Variants in KIFC3 observed in about 807,000 individuals in gnomAD.
The protein encoded by KIFC3 is kinesin-like protein KIFC3.
Under a neutral mutation model 101.8 loss-of-function variants are expected in KIFC3, and 60 were observed. That is an observed-to-expected ratio of 0.59 (90% CI 0.48 to 0.73). The LOEUF is 0.73. KIFC3 is among the 30% of genes least tolerant of loss of function. KIFC3 has a pLI of 0.00. For synonymous variants in KIFC3, 476 were observed against 482.7 expected (o/e 0.99, Z 0.18); for missense variants, 966 against 1,137.1 (o/e 0.85, Z 2.16).
At position 57,823,761 on chromosome 16, in the gene KIFC3, T is replaced by TGTGTGTGTGTG. The variant is rs1568088450; in HGVS notation, c.109-25480_109-25479insCACACACACAC. Among the ~76,000 whole-genome samples, 815 of 136,716 alleles carry TGTGTGTGTGTG rather than the reference T, an allele frequency of 6.0e-3. 4 individuals are homozygous for TGTGTGTGTGTG. Among genetic ancestry groups the TGTGTGTGTGTG allele is most frequent in the Non-Finnish European group, 8.1e-3 (521 of 64,074 alleles). 89.7% of individuals were successfully genotyped at this position (136,716 alleles called of 152,430 possible). A position where few individuals can be genotyped will look rare whatever the true frequency, so the allele number is the denominator to read the frequency against. ...GTGTGCACCACCACACCCGGCTACTTTGTGTGTGTGTGTGTGTGTGTGTGT... is the reference window on the plus strand; with the variant it reads ...GTGTGCACCACCACACCCGGCTACTTGTGTGTGTGTGTGTGTGTGTGTGTGTGTGTGTGTGT... On this transcript the variant is annotated intron_variant, in intron 1 of 2. Coordinates refer to the KIFC3 transcript ENST00000563028.
At chr16:57,857,545 T>C (rs1447797572) in intron 1 of KIFC3, among the ~76,000 whole-genome samples, 1 of 151,912 alleles carries the variant, frequency 6.6e-6, no homozygotes, top group African/African-American at 2.4e-5. Flanking sequence ...ATCCCTCCTC[T>C]AGCCTCCCAC....
rs374662646 is a variant in KIFC3, at chr16:57,766,923, G to A, written c.1281C>T (p.Arg427=). 5.1e-5 allele frequency: 82 copies of A among 1,612,632 alleles called. No individual in the cohort carries two copies. Among genetic ancestry groups the A allele is most frequent in the Admixed American group, 2.3e-4 (14 of 60,020 alleles). Residue 427 remains arginine (R), a synonymous_variant, in exon 10 of 20, where the codon CGC becomes CGT. Transcript: ENST00000445690. ...GGCACTTCTTACGCAGCTGCAGCTC[G>A]CGGCGGTACTTGCGCAGCAGCTCCT... The part of the protein sequence containing the change: ...NNQELLRKYR[R]ELQLRKKCHN...
At chr16:57,802,649 C>T, upstream of KIFC3, 1 of 857,482 alleles carries the variant, frequency 1.2e-6, no homozygotes, top group Non-Finnish European at 1.5e-6. The surrounding 1 kb of genome is among the most constrained non-coding windows in gnomAD (Gnocchi z 5.0). Context: ...CTCCCGCCGG[C>T]ACTCCCACTC....
chr16:57,815,932 T>G (rs1485318745), intron 1 of KIFC3, among the ~76,000 whole-genome samples: 3 of 152,192 alleles, frequency 2.0e-5, no homozygotes, highest in African/African-American at 7.2e-5. Context: ...GGGGTCCATT[T>G]GAGGATGAAC....
chr16:57,797,829 G>A (rs1397624891), intron 2 of KIFC3: 63 of 1,424,214 alleles, frequency 4.4e-5, no homozygotes, highest in Non-Finnish European at 5.6e-5. Flanking sequence ...CTCTGTGCCC[G>A]ACCCGTGTTA....
chr16:57,775,632 C>A, intron 3 of KIFC3: 1 of 985,602 alleles, frequency 1.0e-6, no homozygotes, highest in South Asian at 4.7e-5. Flanking sequence ...ACACTCACCG[C>A]AGCTTCCAGC....
intron 1 of KIFC3, chr16:57,816,236 C>A (rs782051550): frequency 7.8e-7 from 1 of 1,288,608 alleles, no homozygotes; most frequent in South Asian, 1.2e-5. Flanking sequence ...AAACCGAGGC[C>A]CGGAAAGTGT....
At chr16:57,803,514 A>G, upstream of KIFC3, 1 of 407,930 alleles carries the variant, frequency 2.5e-6, no homozygotes, top group Admixed American at 2.6e-5. Flanking sequence ...TGGCCCAAGA[A>G]GATCAAGGAG....
intron 1 of KIFC3, among the ~76,000 whole-genome samples, chr16:57,820,845 G>T (rs1240648619): frequency 6.6e-6 from 1 of 152,186 alleles, no homozygotes; most frequent in African/African-American, 2.4e-5. Flanking sequence ...TACAGGTAAG[G>T]TGCAGTGGCT....
chr16:57,774,934 CT>C, intron 3 of KIFC3: 2 of 1,483,556 alleles, frequency 1.3e-6, no homozygotes, highest in Non-Finnish European at 1.8e-6. Context: ...CGCCCCCTCC[CT>C]CCCCAGAAAG....
chr16:57,825,281 G>A (rs2055435093), intron 1 of KIFC3, among the ~76,000 whole-genome samples: 1 of 152,208 alleles, frequency 6.6e-6, no homozygotes, highest in Admixed American at 6.5e-5. Context: ...CCTTCTCTTT[G>A]TCCCTCCCCA....
At chr16:57,773,151 T>C (rs782560690) in intron 3 of KIFC3, among the ~76,000 whole-genome samples, 1 of 152,244 alleles carries the variant, frequency 6.6e-6, no homozygotes, top group Non-Finnish European at 1.5e-5. Flanking sequence ...AGGGCATGTT[T>C]AGTACTTTTC....
chr16:57,775,055 C>A, intron 3 of KIFC3: 1 of 1,517,684 alleles, frequency 6.6e-7, no homozygotes, highest in Non-Finnish European at 8.8e-7. Flanking sequence ...CCAGTGTTTG[C>A]TGGGGGTGGG....
intron 1 of KIFC3, among the ~76,000 whole-genome samples, chr16:57,827,937 A>G (rs2055493186): frequency 6.6e-6 from 1 of 152,200 alleles, no homozygotes; most frequent in Non-Finnish European, 1.5e-5. Context: ...TCACTTACTT[A>G]TTTCTCCCAA....
chr16:57,760,813 C>T lies in KIFC3; in HGVS notation c.2145G>A (p.Gln715=), dbSNP rs1555595871. Residue 715 remains glutamine (Q), a synonymous_variant, in exon 16 of 20, where the codon CAG becomes CAA. Transcript: ENST00000445690. ...GDVIAALRSR[Q]GHVPFRNSKL... ...TGGAGTTGCGGAAGGGCACGTGGCCCTGGCGGGAGCGCAGGGCAGCAATGA... is the reference window on the plus strand; with the variant it reads ...TGGAGTTGCGGAAGGGCACGTGGCCTTGGCGGGAGCGCAGGGCAGCAATGA... The T allele has an allele frequency of 1.2e-6, 2 of 1,613,610 alleles. No individual in the cohort carries two copies. The highest frequency in any genetic ancestry group is 1.7e-6 in the Non-Finnish European group (2 of 1,180,002).
intron 1 of KIFC3, among the ~76,000 whole-genome samples, chr16:57,812,801 A>C (rs782161856): frequency 2.0e-5 from 3 of 152,212 alleles, no homozygotes; most frequent in Non-Finnish European, 4.4e-5. Context: ...CACTCCAGAA[A>C]GTGTGAGTAA....
chr16:57,829,482 T>G (rs2055529945), intron 1 of KIFC3, among the ~76,000 whole-genome samples: 1 of 152,224 alleles, frequency 6.6e-6, no homozygotes, highest in South Asian at 2.1e-4. Flanking sequence ...CTTGAACTCC[T>G]GGGCTCCAGT....
At position 57,770,558 on chromosome 16, in the gene KIFC3, G is replaced by A; in HGVS notation, c.908C>T (p.Ser303Leu). 2.0e-6 allele frequency: 3 copies of A among 1,494,730 alleles called. No homozygotes were observed. Among genetic ancestry groups the A allele is most frequent in the Non-Finnish European group, 2.7e-6 (3 of 1,121,986 alleles). 92.6% of individuals were successfully genotyped at this position (1,494,730 alleles called of 1,614,324 possible). The change falls in exon 7 of 20, where the codon TCA (serine) becomes TTA (leucine). Residue 303 changes from serine to leucine, a missense_variant. Ser to Leu is a moderately radical substitution (Grantham distance 145). This residue lies in a region of KIFC3 where 689 missense variants were observed against 884.6 expected (regional missense o/e 0.78). Transcript: ENST00000445690. ...CCGGAGCCGCGCGGTCAGCTGGTGTGAGCTCTGCAGCTGCTGTTCCATCTC... is the reference window on the plus strand; with the variant it reads ...CCGGAGCCGCGCGGTCAGCTGGTGTAAGCTCTGCAGCTGCTGTTCCATCTC... ...LKEMEQQLQSSHQLTARLRAQ... is the reference protein window; with the variant it reads ...LKEMEQQLQSLHQLTARLRAQ...
At chr16:57,782,567 G>T (rs1555615409) in intron 3 of KIFC3, among the ~76,000 whole-genome samples, 9 of 152,214 alleles carry the variant, frequency 5.9e-5, no homozygotes, top group Admixed American at 3.3e-4. Flanking sequence ...TCTCCACAAG[G>T]TCGGGCCCTC....
Sources: allele counts gnomAD v4.1 joint callset (sites outside exome capture counted in the v4.1 genomes callset), GRCh38; gene constraint gnomAD v4.1.1; regional missense constraint gnomAD v4.1.1; non-coding constraint Gnocchi (gnomAD v3.1); transcripts MANE v1.5; gene names NCBI Gene and HGNC (gene_info 2026-07-23, HGNC 2026-07-21).